HSPA9: variants seen among roughly 807,000 people sequenced by gnomAD.
HSPA9 encodes stress-70 protein, mitochondrial.
Under a neutral mutation model 81.5 loss-of-function variants are expected in HSPA9, and 28 were observed. The ratio of observed to expected loss-of-function variants is 0.34; its 90% CI spans 0.25 to 0.47. The LOEUF is 0.47. Ranked by LOEUF, HSPA9 falls within the 20% of genes least tolerant of loss-of-function variation. HSPA9 has a pLI of 1.00. For synonymous variants in HSPA9, 293 were observed against 290.4 expected, an observed-to-expected ratio of 1.01 and a Z score of -0.09; for missense variants, 678 against 838.0, an observed-to-expected ratio of 0.81 and a Z score of 2.36.
intron 14 of HSPA9, 123 bp downstream of exon 14, chr5:138,557,279 C>T: frequency 1.3e-6 from 1 of 749,574 alleles, no homozygotes; most frequent in Middle Eastern, 2.3e-4. Flanking sequence ...ACGATCTGCC[C>T]ACCTTGGCAG....
At chr5:138,565,536 A>T (rs993376943) in intron 9 of HSPA9, among the ~76,000 whole-genome samples, 1 of 152,070 alleles carries the variant, frequency 6.6e-6, no homozygotes, top group Non-Finnish European at 1.5e-5. Flanking sequence ...GCTGCTTTCT[A>T]TCTTCATGGG....
chr5:138,561,832 A>T (rs778533557), intron 9 of HSPA9, 43 bp from the exon 10 acceptor site: 1 of 1,436,452 alleles, frequency 7.0e-7, no homozygotes, highest in Non-Finnish European at 9.8e-7. Flanking sequence ...AGCAGGCCAA[A>T]TGACGGTTAC....
intron 9 of HSPA9, 47 bp downstream of exon 9, chr5:138,566,579 C>A: frequency 8.0e-7 from 1 of 1,245,186 alleles, no homozygotes; most frequent in Admixed American, 1.7e-5. Flanking sequence ...TAAATAAGCT[C>A]CGGCTGAAAA....
chr5:138,557,446 C>T lies in HSPA9; in HGVS notation c.1684G>A (p.Val562Ile), dbSNP rs1175162483. The change falls in exon 14 of 17, where the codon GTT becomes ATT. Residue 562 changes from valine (V) to isoleucine (I), a missense_variant. This residue lies in a region of HSPA9 where 484 missense variants were observed against 647.5 expected (regional missense o/e 0.75). Transcript: ENST00000297185. The stretch of plus-strand genomic sequence containing the variant: ...TCAGCATATTTCTCTGCATTTTTAA[C>T]CATATTTTCAATATCATCTTTGCTT... ...GLSKDDIENM[V>I]KNAEKYAEED... 6.2e-7 allele frequency: 1 copy of T among 1,611,328 alleles called. No individual in the cohort carries two copies. The highest frequency in any genetic ancestry group is 8.5e-7 in the Non-Finnish European group (1 of 1,177,918).
rs755811639 is a variant in HSPA9 at position 138,571,027 on chromosome 5, T to C, written c.343A>G (p.Asn115Asp). Residue 115 changes from asparagine (N) to aspartate (D), a missense_variant, in exon 4 of 17, where the codon AAT becomes GAT. Asn to Asp is a conservative substitution (Grantham distance 23, BLOSUM62 1). Transcript: ENST00000297185. ...AKRQAVTNPN[N>D]TFYATKRLIG... ...AGACGCTTGGTAGCATAAAATGTATTGTTTGGGTTGGTGACAGCCTGTCGC... is the reference window on the plus strand; with the variant it reads ...AGACGCTTGGTAGCATAAAATGTATCGTTTGGGTTGGTGACAGCCTGTCGC... 6 of 1,614,044 alleles carry C rather than the reference T, an allele frequency of 3.7e-6. No homozygotes were observed. The African/African-American group carries it at 4.0e-5, about 11-fold the overall frequency.
In HSPA9 at chr5:138,571,812, TTGTGTG is replaced by T. The variant is rs10694028; in HGVS notation, c.229-677_229-672del. ...TGCCTGCCACCACACCCAACTAATT[TTGTGTG>T]TGTGTGTGTGTGTGTGTACTTTTAG... On this transcript the variant is annotated intron_variant, in intron 3 of 16. Transcript: ENST00000297185. Among the ~76,000 whole-genome samples, 71 of 146,278 alleles carry T rather than the reference TTGTGTG, an allele frequency of 4.9e-4. 1 individual carries two copies. In the East Asian group the frequency reaches 0.011, roughly 23 times the overall value.
Position 138,556,508 on chromosome 5 carries a change from C to T in HSPA9, c.1906G>A (p.Ala636Thr). The T allele has an allele frequency of 1.9e-6, 3 of 1,614,076 alleles. No homozygotes were observed. The highest frequency in any genetic ancestry group is 1.7e-6 in the Non-Finnish European group (2 of 1,179,978). ...DSETGENIRQ[A>T]ASSLQQASLK... ...GATGCCTGCTGAAGAGAGGATGCTG[C>T]CTGTCTAATATTTTCTCCTGTTTCG... is the stretch of plus-strand genomic sequence containing the variant. The change falls in exon 16 of 17, where the codon GCA (alanine) becomes ACA (threonine). Residue 636 changes from alanine (A) to threonine (T), a missense_variant. Transcript: ENST00000297185.
intron 3 of HSPA9, among the ~76,000 whole-genome samples, chr5:138,572,117 C>T (rs544470746): frequency 1.4e-4 from 22 of 152,012 alleles, no homozygotes; most frequent in Admixed American, 5.3e-4. Flanking sequence ...CCACTATGCC[C>T]GGCTAATTTT....
chr5:138,566,791 G>A, intron 8 of HSPA9, 73 bp from the exon 9 acceptor site: 1 of 1,251,270 alleles, frequency 8.0e-7, no homozygotes, highest in Non-Finnish European at 1.2e-6. Context: ...TAATAAGGTG[G>A]AACAACACAA....
chr5:138,557,673 A>C (rs1750557288), intron 13 of HSPA9, among the ~76,000 whole-genome samples, 177 bp from the exon 14 acceptor site: 1 of 152,176 alleles, frequency 6.6e-6, no homozygotes, highest in African/African-American at 2.4e-5. Flanking sequence ...ATATATACAC[A>C]AACACCAACT....
At chr5:138,565,980 G>A (rs1750751702) in intron 9 of HSPA9, among the ~76,000 whole-genome samples, 1 of 152,128 alleles carries the variant, frequency 6.6e-6, no homozygotes, top group African/African-American at 2.4e-5. Flanking sequence ...GAGGTCAGGA[G>A]TCCAAGGACC....
Position 138,556,788 on chromosome 5 carries a change from A to G in HSPA9, c.1807T>C (p.Leu603=). 2 of 1,613,158 alleles carry G rather than the reference A, an allele frequency of 1.2e-6. No individual in the cohort carries two copies. The highest frequency in any genetic ancestry group is 1.7e-6 in the Non-Finnish European group (2 of 1,179,108). The change falls in exon 15 of 17, where the codon TTA becomes CTA. Residue 603 remains leucine (L), a synonymous_variant. Transcript: ENST00000297185. ...ETKMEEFKDQ[L]PADECNKLKE... ...ATAGAACTCACCTCATCAGCAGGTA[A>G]TTGGTCCTTGAATTCTTCCATCTTG...
chr5:138,566,884 G>T (rs1750777900), intron 8 of HSPA9, 117 bp downstream of exon 8: 9 of 1,202,760 alleles, frequency 7.5e-6, no homozygotes, highest in Middle Eastern at 1.9e-4. Context: ...TCTGAAAAGA[G>T]TATCTGTGTC....
chr5:138,575,108 C>G, intron 1 of HSPA9, 130 bp downstream of exon 1: 1 of 672,664 alleles, frequency 1.5e-6, no homozygotes, highest in Admixed American at 2.8e-5. Flanking sequence ...ATGGAAGGCC[C>G]GTTACCTTCC....
chr5:138,559,239 GGGACTAC>G (rs111264397), intron 11 of HSPA9, among the ~76,000 whole-genome samples: 22 of 151,992 alleles, frequency 1.4e-4, no homozygotes, highest in African/African-American at 5.1e-4. Context: ...CTGAGTAGCT[GGGACTAC>G]AGGTACACAG....
At chr5:138,563,006 T>C (rs980371871) in intron 9 of HSPA9, among the ~76,000 whole-genome samples, 46 of 152,248 alleles carry the variant, frequency 3.0e-4, no homozygotes, top group African/African-American at 1.0e-3. Context: ...TAACTGAGAG[T>C]GAGTCCTTAA....
intron 9 of HSPA9, 119 bp from the exon 10 acceptor site, chr5:138,561,908 G>T: frequency 2.5e-6 from 2 of 793,626 alleles, no homozygotes; most frequent in South Asian, 1.4e-5. Context: ...CAAAGGGAGG[G>T]TGAGATCTAA....
chr5:138,560,600 G>A (rs256005), intron 10 of HSPA9, among the ~76,000 whole-genome samples: 8,296 of 147,804 alleles, frequency 0.056, 293 homozygotes, highest in African/African-American at 0.1. Context: ...TCGCTGTGTC[G>A]CTCAGGCTGG....
chr5:138,558,868 G>C (rs1750590920), intron 11 of HSPA9: 1 of 528,308 alleles, frequency 1.9e-6, no homozygotes, highest in Non-Finnish European at 3.4e-6. Flanking sequence ...CTAAGCAAAT[G>C]CATTGTACAA....
Sources: gnomAD v4.1 joint callset for allele counts (sites outside exome capture counted in the v4.1 genomes callset) on GRCh38, gnomAD v4.1.1 for gene constraint, gnomAD v4.1.1 regional missense constraint, MANE v1.5 for transcripts, NCBI Gene and HGNC (gene_info 2026-07-23, HGNC 2026-07-21) for gene names.